CYB5R4: variants seen among roughly 807,000 people sequenced by gnomAD.
The protein encoded by CYB5R4 is N-terminal cytochrome b5 and cytochrome b5 oxidoreductase domain-containing protein.
Under a neutral mutation model 70.2 loss-of-function variants are expected in CYB5R4, and 55 were observed. The ratio of observed to expected loss-of-function variants is 0.78; its 90% confidence interval spans 0.63 to 0.98. The LOEUF (loss-of-function observed/expected upper bound fraction) is 0.98, where lower values mean the gene tolerates loss of function less well. CYB5R4 is among the 50% of genes least tolerant of loss of function. CYB5R4 has a pLI of 0.00. For synonymous variants in CYB5R4, 197 were observed against 199.5 expected (o/e 0.99, Z 0.11); for missense variants, 562 against 612.6 (o/e 0.92, Z 0.87).
chr6:83,896,341 A>G (rs1292814828), intron 3 of CYB5R4, among the ~76,000 whole-genome samples: 10 of 152,214 alleles, frequency 6.6e-5, no homozygotes, highest in Admixed American at 6.5e-4. Context: ...CACCCCTGAC[A>G]GGGAAGTACA....
In CYB5R4 at chr6:83,966,688, T is replaced by C. The variant is rs991693490; in HGVS notation, c.*6810T>C. On this transcript the variant is annotated 3_prime_UTR_variant, in exon 16 of 16. Transcript: ENST00000369681. ...CCTGGGCAACAAGAGTGAAACTCCA[T>C]CTCAAAAAATAAAACAAATAAAAAG... 1 of 151,904 alleles carries C rather than the reference T, an allele frequency of 6.6e-6. No homozygotes were observed. 9.4% of individuals were successfully genotyped at this position (151,904 alleles called of 1,614,324 possible). A position where few individuals can be genotyped will look rare whatever the true frequency, so the allele number is the denominator to read the frequency against.
At chr6:83,917,082 C>T (rs2099465639) in intron 5 of CYB5R4, among the ~76,000 whole-genome samples, 1 of 152,086 alleles carries the variant, frequency 6.6e-6, no homozygotes, top group East Asian at 1.9e-4. Context: ...TTGAGTTCTT[C>T]CATGCCTCAG....
chr6:83,942,441 C>T (rs115645709), intron 14 of CYB5R4, among the ~76,000 whole-genome samples: 2 of 152,206 alleles, frequency 1.3e-5, no homozygotes, highest in Non-Finnish European at 2.9e-5. Flanking sequence ...CCAGATACTA[C>T]GCTTTTTCCA....
At chr6:83,919,858 C>G (rs1364210553) in intron 7 of CYB5R4, among the ~76,000 whole-genome samples, 1 of 148,552 alleles carries the variant, frequency 6.7e-6, no homozygotes, top group African/African-American at 2.5e-5. Flanking sequence ...AACAAATTTC[C>G]TAGACATAAA....
intron 6 of CYB5R4, among the ~76,000 whole-genome samples, chr6:83,918,834 T>G (rs543950737): frequency 2.0e-5 from 3 of 152,130 alleles, no homozygotes; most frequent in Non-Finnish European, 4.4e-5. Context: ...AATTATTTCA[T>G]ATACAATTTT....
chr6:83,935,362 A>G (rs1562843241), intron 11 of CYB5R4, among the ~76,000 whole-genome samples: 1 of 152,038 alleles, frequency 6.6e-6, no homozygotes, highest in African/African-American at 2.4e-5. Context: ...AAATGTTACC[A>G]CCTAGGTCTC....
At chr6:83,899,471 TG>T (rs1218949493) in intron 3 of CYB5R4, among the ~76,000 whole-genome samples, 5 of 152,212 alleles carry the variant, frequency 3.3e-5, no homozygotes, top group African/African-American at 4.8e-5. Context: ...AGGATGATGC[TG>T]GCCTCATAAA....
At chr6:83,898,802 G>A (rs1457435220) in intron 3 of CYB5R4, among the ~76,000 whole-genome samples, 1 of 152,066 alleles carries the variant, frequency 6.6e-6, no homozygotes, top group Non-Finnish European at 1.5e-5. Flanking sequence ...TGTGATTTTT[G>A]CACATTGATT....
intron 3 of CYB5R4, among the ~76,000 whole-genome samples, chr6:83,902,646 T>C (rs775285962): frequency 5.3e-5 from 8 of 152,156 alleles, no homozygotes; most frequent in Non-Finnish European, 1.0e-4. Flanking sequence ...ATTCTTCTGA[T>C]CCATGAGCAC....
chr6:83,927,548 T>C (rs978534365), intron 10 of CYB5R4, among the ~76,000 whole-genome samples: 1 of 152,158 alleles, frequency 6.6e-6, no homozygotes, highest in Admixed American at 6.5e-5. Flanking sequence ...GGGATACATT[T>C]AAGTTTATCA....
chr6:83,873,442 T>C (rs1385839885), intron 2 of CYB5R4, among the ~76,000 whole-genome samples: 1 of 151,902 alleles, frequency 6.6e-6, no homozygotes, highest in East Asian at 1.9e-4. Flanking sequence ...GGTTTCACCA[T>C]CTTGGCCAGG....
chr6:83,866,628 A>G (rs950505197), intron 2 of CYB5R4, among the ~76,000 whole-genome samples: 3 of 146,012 alleles, frequency 2.1e-5, no homozygotes, highest in African/African-American at 7.6e-5. Flanking sequence ...TTTTTTTTTT[A>G]TAAAGGAGAC....
chr6:83,955,974 G>A (rs1160423799), intron 15 of CYB5R4, among the ~76,000 whole-genome samples: 1 of 152,188 alleles, frequency 6.6e-6, no homozygotes, highest in Non-Finnish European at 1.5e-5. Context: ...ATCAGTGGTA[G>A]TGGCGATCCT....
At chr6:83,861,195 A>G (rs1386202281) in intron 1 of CYB5R4, among the ~76,000 whole-genome samples, 1 of 152,232 alleles carries the variant, frequency 6.6e-6, no homozygotes, top group Admixed American at 6.5e-5. Context: ...GAAAACTTAG[A>G]AGCAAAGACA....
intron 12 of CYB5R4, among the ~76,000 whole-genome samples, chr6:83,939,095 C>T (rs997826670): frequency 2.0e-5 from 3 of 152,026 alleles, no homozygotes; most frequent in East Asian, 1.9e-4. Context: ...CTTGGCCTCC[C>T]GAAGTGCTGG....
chr6:83,936,401 C>T (rs761988243), intron 12 of CYB5R4, 25 bp downstream of exon 12: 2 of 1,602,932 alleles, frequency 1.2e-6, no homozygotes, highest in Non-Finnish European at 1.7e-6. Context: ...ATTTTTTAAA[C>T]CTCATTTGTG....
At chr6:83,921,499 G>A (rs2099466367) in intron 8 of CYB5R4, among the ~76,000 whole-genome samples, 1 of 152,188 alleles carries the variant, frequency 6.6e-6, no homozygotes, top group South Asian at 2.1e-4. Context: ...ATGTCTTACT[G>A]ACTGTCCTTC....
chr6:83,909,898 C>T (rs2099464402), intron 4 of CYB5R4, among the ~76,000 whole-genome samples: 3 of 152,288 alleles, frequency 2.0e-5, no homozygotes, highest in Middle Eastern at 3.4e-3. Flanking sequence ...CTGCGTTGCA[C>T]AGGACAGACC....
At chr6:83,916,790 T>C (rs982856400) in intron 5 of CYB5R4, among the ~76,000 whole-genome samples, 1 of 152,142 alleles carries the variant, frequency 6.6e-6, no homozygotes, top group Non-Finnish European at 1.5e-5. Context: ...CGTTTGTGTC[T>C]AAAAAGAATC....
Sources: gnomAD v4.1 joint callset for allele counts (sites outside exome capture counted in the v4.1 genomes callset) on GRCh38, gnomAD v4.1.1 for gene constraint, MANE v1.5 for transcripts, NCBI Gene and HGNC (gene_info 2026-07-23, HGNC 2026-07-21) for gene names.